The following ATP11A variants were observed in gnomAD, a reference collection of about 807,000 sequenced individuals.
ATP11A encodes the protein phospholipid-transporting ATPase IH.
ATP11A carries 81 observed loss-of-function variants against 154.4 expected under a neutral mutation model. The ratio of observed to expected loss-of-function variants is 0.52; its 90% CI spans 0.44 to 0.63. ATP11A has a LOEUF of 0.63. Among genes scored for constraint, ATP11A ranks in the 30% least tolerant of loss-of-function variants. ATP11A has a pLI of 0.00. For synonymous variants in ATP11A, 623 were observed against 585.9 expected (o/e 1.06, Z -0.91); for missense variants, 1,316 against 1,474.3 (o/e 0.89, Z 1.76).
intron 3 of ATP11A, 92 bp from the exon 4 acceptor site, chr13:112,806,121 G>A (rs1011587946): frequency 7.1e-5 from 62 of 878,180 alleles, no homozygotes; most frequent in African/African-American, 1.0e-4. Flanking sequence ...AAGTCAAAGC[G>A]AATGGGAAGT....
intron 1 of ATP11A, among the ~76,000 whole-genome samples, chr13:112,777,758 C>CG (rs760015350): frequency 5.3e-5 from 8 of 152,170 alleles, no homozygotes; most frequent in Non-Finnish European, 8.8e-5. Context: ...GGATGCTGTG[C>CG]GGTGCCAGGT....
intron 5 of ATP11A, among the ~76,000 whole-genome samples, chr13:112,813,523 C>T (rs1465037064): frequency 1.3e-5 from 2 of 152,182 alleles, no homozygotes; most frequent in African/African-American, 2.4e-5. Context: ...AAGGGCTTTT[C>T]GATTTTTCTA....
At chr13:112,821,163 A>T (rs2078787529) in intron 8 of ATP11A, among the ~76,000 whole-genome samples, 1 of 152,172 alleles carries the variant, frequency 6.6e-6, no homozygotes. Context: ...AGGCTTATTC[A>T]TATTACCTAT....
chr13:112,696,878 T>A lies in ATP11A; in HGVS notation c.39+6423T>A, dbSNP rs282585. ...CAAGTCCCATCCCTCTGGGGCCCCCTTGGAATGGGGGAGGCGAACAGGAAA... is the reference window on the plus strand; with the variant it reads ...CAAGTCCCATCCCTCTGGGGCCCCCATGGAATGGGGGAGGCGAACAGGAAA... On this transcript the variant is annotated intron_variant, in intron 1 of 29. Coordinates refer to ENST00000375645, the MANE Select transcript of ATP11A (RefSeq NM_015205.3). This position sits in a 1 kb window ranked among gnomAD's most constrained non-coding sequence, Gnocchi z 6.2. 0.47 allele frequency: 71,397 copies of A among 152,102 alleles called. 18,341 individuals are homozygous for A. The highest frequency in any genetic ancestry group is 0.64 in the East Asian group (3,264 of 5,084). 9.4% of individuals were successfully genotyped at this position (152,102 alleles called of 1,614,324 possible).
intron 8 of ATP11A, among the ~76,000 whole-genome samples, chr13:112,822,475 A>G (rs186325007): frequency 6.6e-6 from 1 of 152,150 alleles, no homozygotes; most frequent in Non-Finnish European, 1.5e-5. Context: ...CCCCCCATTC[A>G]GAGGAGCTTT....
At position 112,831,461 on chromosome 13, in the gene ATP11A, CG is replaced by C. The variant is rs760343082; in HGVS notation, c.1309del (p.Val437CysfsTer19). 1 of 1,614,190 alleles carries C rather than the reference CG, an allele frequency of 6.2e-7. No homozygotes were observed. Among genetic ancestry groups the C allele is most frequent in the Non-Finnish European group, 8.5e-7 (1 of 1,180,030 alleles). On this transcript the variant is annotated frameshift_variant, in exon 13 of 30. Transcript: ENST00000375645. LOFTEE classifies it high-confidence loss of function. Reference protein sequence around the residue: ...KECCIEGHVYVPHVICNGQVL... With the variant: ...KECCIEGHVYXPHVICNGQVL... ...AGTGCTGCATCGAAGGCCATGTCTA[CG>C]TGCCCCACGTCATCTGCAACGGGCA...
At chr13:112,771,220 C>T (rs2077218226) in intron 1 of ATP11A, among the ~76,000 whole-genome samples, 1 of 152,162 alleles carries the variant, frequency 6.6e-6, no homozygotes, top group South Asian at 2.1e-4. Context: ...AGGCGTGACC[C>T]ACGGTGGAAA....
chr13:112,808,593 TG>T (rs2078393478), intron 4 of ATP11A, among the ~76,000 whole-genome samples: 1 of 151,874 alleles, frequency 6.6e-6, no homozygotes, highest in Non-Finnish European at 1.5e-5. Context: ...CCAGCAGGGC[TG>T]TTTGTGCTGG....
intron 29 of ATP11A, among the ~76,000 whole-genome samples, chr13:112,879,699 C>A (rs117253092): frequency 0.029 from 4,349 of 152,332 alleles, 102 homozygotes; most frequent in Non-Finnish European, 0.043. Flanking sequence ...CCAGCACATG[C>A]CCGGCGCACA....
chr13:112,819,855 G>A, intron 7 of ATP11A, 45 bp from the exon 8 acceptor site: 1 of 1,611,620 alleles, frequency 6.2e-7, no homozygotes, highest in Non-Finnish European at 8.5e-7. Flanking sequence ...CTTCCCGGGG[G>A]CCGCTGGGCG....
Position 112,785,042 on chromosome 13 carries a change from G to C in ATP11A, c.40-93G>C. On this transcript the variant is annotated intron_variant, in intron 1 of 29. Transcript: ENST00000375645. The surrounding 1 kb of genome is among the most constrained non-coding windows in gnomAD (Gnocchi z 4.8). ...CTCTCAGCAGCAGGTACAGGTCTCC[G>C]TTCCGACGAACGTGCCTCAAGGCAA... is the stretch of plus-strand genomic sequence containing the variant. 1 of 1,351,160 alleles carries C rather than the reference G, an allele frequency of 7.4e-7. No homozygotes were observed. The highest frequency in any genetic ancestry group is 9.6e-7 in the Non-Finnish European group (1 of 1,041,700). The allele number at this position is 1,351,160 out of a possible 1,614,324, so 83.7% of individuals were successfully genotyped here. A position where few individuals can be genotyped will look rare whatever the true frequency, so the allele number is the denominator to read the frequency against.
At chr13:112,866,936 A>C (rs1293617970) in intron 25 of ATP11A, among the ~76,000 whole-genome samples, 1 of 152,124 alleles carries the variant, frequency 6.6e-6, no homozygotes. Flanking sequence ...CATTTATTTT[A>C]ATTGAATAAT....
chr13:112,871,641 A>G (rs2080524173), intron 25 of ATP11A, 94 bp from the exon 26 acceptor site: 1 of 1,222,700 alleles, frequency 8.2e-7, no homozygotes. Flanking sequence ...TTGGCACACA[A>G]GAAAAATGAG....
rs1320111627 is a variant in ATP11A at position 112,873,654 on chromosome 13, C to G, written c.3139C>G (p.Leu1047Val). The change falls in exon 27 of 30, where the codon CTT becomes GTT. Residue 1047 changes from leucine (L) to valine (V), a missense_variant. Coordinates refer to ENST00000375645, the MANE Select transcript of ATP11A (RefSeq NM_015205.3). The stretch of plus-strand genomic sequence containing the variant: ...GCTGCTGTTCTACGTTGTCTTTTCG[C>G]TTCTCTGGGGAGGAGTGATCTGGTA... ...GSLLFYVVFS[L>V]LWGGVIWPFL... 1 of 1,613,272 alleles carries G rather than the reference C, an allele frequency of 6.2e-7. No individual in the cohort carries two copies. Among genetic ancestry groups the G allele is most frequent in the Non-Finnish European group, 8.5e-7 (1 of 1,179,508 alleles).
chr13:112,844,457 C>T (rs947449393), intron 17 of ATP11A, among the ~76,000 whole-genome samples: 1 of 152,192 alleles, frequency 6.6e-6, no homozygotes, highest in Admixed American at 6.5e-5. Context: ...CATCCCTCAC[C>T]CTAGAGACTG....
intron 25 of ATP11A, among the ~76,000 whole-genome samples, chr13:112,864,706 G>A (rs867246289): frequency 6.3e-5 from 4 of 63,360 alleles, no homozygotes; most frequent in African/African-American, 2.1e-4. Context: ...CACCACCTGC[G>A]CAGTAATTCA....
chr13:112,742,074 C>T (rs1891623446), intron 1 of ATP11A, among the ~76,000 whole-genome samples: 1 of 152,220 alleles, frequency 6.6e-6, no homozygotes, highest in African/African-American at 2.4e-5. Context: ...GCGCTTTTCT[C>T]ACGTGTCCTA....
At chr13:112,800,377 C>T (rs73567180) in intron 2 of ATP11A, among the ~76,000 whole-genome samples, 1,662 of 152,136 alleles carry the variant, frequency 0.011, 29 homozygotes, top group African/African-American at 0.038. Flanking sequence ...AGCCCTACAC[C>T]CATAAACTTG....
At chr13:112,756,306 C>T (rs1039360884) in intron 1 of ATP11A, among the ~76,000 whole-genome samples, 2 of 152,206 alleles carry the variant, frequency 1.3e-5, no homozygotes, top group Admixed American at 6.5e-5. Flanking sequence ...TCATGTCCAT[C>T]GTTGCGGTGC....
Sources: gnomAD v4.1 joint callset for allele counts (sites outside exome capture counted in the v4.1 genomes callset) on GRCh38, gnomAD v4.1.1 for gene constraint, Gnocchi (gnomAD v3.1) non-coding constraint, MANE v1.5 for transcripts, NCBI Gene and HGNC (gene_info 2026-07-23, HGNC 2026-07-21) for gene names.